REXO1: variants seen among roughly 807,000 people sequenced by gnomAD.
REXO1 encodes the protein RNA exonuclease 1 homolog.
Under a neutral mutation model 102.6 loss-of-function variants are expected in REXO1, and 42 were observed. The ratio of observed to expected loss-of-function variants is 0.41; its 90% CI spans 0.32 to 0.53. The LOEUF (loss-of-function observed/expected upper bound fraction) is 0.53. Among genes scored for constraint, REXO1 ranks in the 20% least tolerant of loss-of-function variants. REXO1 has a pLI of 0.27. For synonymous variants in REXO1, 908 were observed against 779.1 expected (o/e 1.17, Z -2.76); for missense variants, 1,819 against 1,732.5 (o/e 1.05, Z -0.89).
chr19:1,841,654 A>C (rs1237956966), intron 1 of REXO1, among the ~76,000 whole-genome samples: 4 of 152,170 alleles, frequency 2.6e-5, no homozygotes, highest in African/African-American at 9.7e-5. Flanking sequence ...GAGGCCGGCC[A>C]CTGGCACCTG....
In REXO1 at chr19:1,817,212, G is replaced by A. The variant is rs1463974600; in HGVS notation, c.3201+7C>T. 6.2e-7 allele frequency: 1 copy of A among 1,611,810 alleles called. No individual in the cohort carries two copies. ...TGAACCCGACGCTGGGCAGAGAACA[G>A]CCTCACCATCTCGCAGTCCAGGGCG... is the stretch of plus-strand genomic sequence containing the variant. On this transcript the variant is annotated splice_region_variant and intron_variant, in intron 12 of 15. Coordinates refer to ENST00000170168, the MANE Select transcript of REXO1 (RefSeq NM_020695.4).
At position 1,820,253 on chromosome 19, in the gene REXO1, C is replaced by G; in HGVS notation, c.2526+11G>C. On this transcript the variant is annotated intron_variant, in intron 6 of 15. Transcript: ENST00000170168. ...CACCCGACCGGCCAGATAGGAACTC[C>G]AGGACCTCACCTTCTCTATGGCCTC... The G allele has an allele frequency of 6.2e-7, 1 of 1,610,662 alleles. No homozygotes were observed. The highest frequency in any genetic ancestry group is 8.5e-7 in the Non-Finnish European group (1 of 1,178,484).
chr19:1,823,468 G>A (rs1472243584), intron 4 of REXO1, 104 bp downstream of exon 4: 1 of 814,678 alleles, frequency 1.2e-6, no homozygotes, highest in African/African-American at 1.8e-5. Flanking sequence ...CATCCCATGA[G>A]CAAGCACCAT....
intron 10 of REXO1, 132 bp downstream of exon 10, chr19:1,818,350 G>T: frequency 1.5e-6 from 1 of 667,282 alleles, no homozygotes; most frequent in Non-Finnish European, 2.6e-6. Context: ...TGCCAAAGAC[G>T]GTGCAGCCCA....
chr19:1,841,090 G>A (rs996991094), intron 1 of REXO1, among the ~76,000 whole-genome samples: 14 of 152,216 alleles, frequency 9.2e-5, no homozygotes, highest in Admixed American at 1.3e-4. Context: ...GTGCACATGC[G>A]GCTCCTCCAA....
rs78977406 is a variant in REXO1 at position 1,827,198 on chromosome 19, C to G, written c.1591G>C (p.Ala531Pro). The change falls in exon 2 of 16, where the codon GCA (alanine) becomes CCA (proline). Residue 531 changes from alanine (A) to proline (P), a missense_variant. Coordinates refer to ENST00000170168, the MANE Select transcript of REXO1 (RefSeq NM_020695.4). ...CACACGCTCGGCACCCCTGGCCCTG[C>G]GGCCTCGTCCTCACTCTCGTCCCCA... ...LFGDESEDEA[A>P]GPGVPSVWPS... 6.5e-7 allele frequency: 1 copy of G among 1,540,082 alleles called. No homozygotes were observed. The highest frequency in any genetic ancestry group is 8.7e-7 in the Non-Finnish European group (1 of 1,146,628).
chr19:1,818,746 G>A lies in REXO1; in HGVS notation c.2862C>T (p.Gly954=), dbSNP rs1357949691. 6.8e-6 allele frequency: 11 copies of A among 1,610,792 alleles called. No individual in the cohort carries two copies. Among genetic ancestry groups the A allele is most frequent in the East Asian group, 2.2e-5 (1 of 44,878 alleles). Reference sequence around the variant, plus strand: ...TCTCCTCAGCTGTGAAGATGATTGCGCCCCCGGGCCGCTCTGGGTGCGGGA... The same window carrying A: ...TCTCCTCAGCTGTGAAGATGATTGCACCCCCGGGCCGCTCTGGGTGCGGGA... The part of the protein sequence containing the change: ...YPFPHPERPG[G]AIIFTAEEKR... Residue 954 remains glycine, a synonymous_variant, in exon 9 of 16, where the codon GGC becomes GGT. Coordinates refer to ENST00000170168, the MANE Select transcript of REXO1 (RefSeq NM_020695.4).
Position 1,834,715 on chromosome 19 carries a change from C to G in REXO1, c.158-6084G>C, listed in dbSNP as rs185172900. On this transcript the variant is annotated intron_variant, in intron 1 of 15. Coordinates refer to ENST00000170168, the MANE Select transcript of REXO1 (RefSeq NM_020695.4). ...GTCTTTTAAGGGCTGTGAAACCTGC[C>G]CCAGCCTTTAGCCAACAGATGGGAA... 6.3e-3 allele frequency among the ~76,000 whole-genome samples: 956 copies of G among 152,332 alleles called. 6 individuals are homozygous for G. Among genetic ancestry groups the G allele is most frequent in the Non-Finnish European group, 0.011 (722 of 68,020 alleles).
chr19:1,816,279 G>A lies in REXO1; in HGVS notation c.3523C>T (p.Arg1175Trp), dbSNP rs1460615443. ...TCGGCCATGAGGTTCCGCAGGGACC[G>A]CTTGTAGGGGAGGCCCAGGCGGTGG... is the stretch of plus-strand genomic sequence containing the variant. The part of the protein sequence containing the change: ...FPHRLGLPYK[R>W]SLRNLMADYL... Residue 1175 changes from arginine to tryptophan, a missense_variant, in exon 15 of 16, where the codon CGG becomes TGG. Coordinates refer to ENST00000170168, the MANE Select transcript of REXO1 (RefSeq NM_020695.4). 6 of 1,587,908 alleles carry A rather than the reference G, an allele frequency of 3.8e-6. No homozygotes were observed. The highest frequency in any genetic ancestry group is 2.3e-5 in the South Asian group (2 of 87,734).
At chr19:1,842,990 C>T (rs760964476) in intron 1 of REXO1, among the ~76,000 whole-genome samples, 2 of 152,198 alleles carry the variant, frequency 1.3e-5, no homozygotes, top group African/African-American at 2.4e-5. Context: ...TGCAAGAAGG[C>T]GGCTGCTCTG....
intron 12 of REXO1, 67 bp from the exon 13 acceptor site, chr19:1,816,880 C>T (rs1025762832): frequency 4.7e-5 from 58 of 1,222,598 alleles, no homozygotes; most frequent in Non-Finnish European, 6.7e-5. Context: ...CTTCCCTGCC[C>T]CTTTGAGTCT....
At chr19:1,821,338 C>T (rs1158448728) in intron 5 of REXO1, among the ~76,000 whole-genome samples, 181 bp downstream of exon 5, 1 of 148,754 alleles carries the variant, frequency 6.7e-6, no homozygotes, top group Non-Finnish European at 1.5e-5. Flanking sequence ...GAGCGAGACT[C>T]CATCTCAAAA....
rs2069355129 is a variant in REXO1 at position 1,816,163 on chromosome 19, C to A, written c.3578-9G>T. On this transcript the variant is annotated splice_polypyrimidine_tract_variant and intron_variant, in intron 15 of 15. Transcript: ENST00000170168. Reference sequence around the variant, plus strand: ...GGAGCTGTGCCCATCCACTGCGGGGCAGATGCGGTGAGCACCCGGCCCCTG... The same window carrying A: ...GGAGCTGTGCCCATCCACTGCGGGGAAGATGCGGTGAGCACCCGGCCCCTG... The A allele has an allele frequency of 6.4e-7, 1 of 1,553,182 alleles. No individual in the cohort carries two copies. Among genetic ancestry groups the A allele is most frequent in the African/African-American group, 1.4e-5 (1 of 73,486 alleles).
At chr19:1,816,950 C>T (rs2069384476) in intron 12 of REXO1, 137 bp from the exon 13 acceptor site, 2 of 747,882 alleles carry the variant, frequency 2.7e-6, no homozygotes, top group Admixed American at 2.4e-5. Flanking sequence ...TAGGAGAGGC[C>T]GAGTGGGGTG....
rs773542246 is a variant in REXO1, at chr19:1,816,662, G to C, written c.3317+36C>G. The C allele has an allele frequency of 3.1e-6, 5 of 1,606,928 alleles. No homozygotes were observed. The African/African-American group carries it at 5.4e-5, about 17-fold the overall frequency. On this transcript the variant is annotated intron_variant, in intron 13 of 15. Transcript: ENST00000170168. ...GTGGGTCCCTGGGGAGAGGCGGCTGGGAGGGCTCCCAGCTCGTGGAGGGCA... is the reference window on the plus strand; with the variant it reads ...GTGGGTCCCTGGGGAGAGGCGGCTGCGAGGGCTCCCAGCTCGTGGAGGGCA...
At chr19:1,817,658 C>A in intron 11 of REXO1, 49 bp downstream of exon 11, 1 of 1,571,942 alleles carries the variant, frequency 6.4e-7, no homozygotes, top group Non-Finnish European at 8.7e-7. Context: ...GATGGGGAGG[C>A]AGAAGTCTGT....
intron 13 of REXO1, 51 bp from the exon 14 acceptor site, chr19:1,816,620 TGGTGGGGCGGGGGAG>T: frequency 7.5e-6 from 2 of 267,130 alleles, no homozygotes; most frequent in Non-Finnish European, 1.5e-5. Flanking sequence ...AAGCACTGGC[TGGTGGGGCGGGGGAG>T]GGTGGGTCCC....
At position 1,821,537 on chromosome 19, in the gene REXO1, G is replaced by A. The variant is rs769951845; in HGVS notation, c.2376C>T (p.Ala792=). 6.2e-7 allele frequency: 1 copy of A among 1,613,850 alleles called. No homozygotes were observed. The highest frequency in any genetic ancestry group is 1.7e-5 in the Admixed American group (1 of 60,006). Residue 792 remains alanine (A), a synonymous_variant, in exon 5 of 16, where the codon GCC becomes GCT. Transcript: ENST00000170168. ...TTTTIIPKRI[A]HSPSLQSLKK... is the part of the protein sequence containing the mutation. ...GGGCTACCTGTAAGGATGGACTGTGGGCGATTCGCTTAGGGATGATGGTGG... is the reference window on the plus strand; with the variant it reads ...GGGCTACCTGTAAGGATGGACTGTGAGCGATTCGCTTAGGGATGATGGTGG...
At chr19:1,816,872 T>C (rs564941068) in intron 12 of REXO1, 59 bp from the exon 13 acceptor site, 4 of 1,298,602 alleles carry the variant, frequency 3.1e-6, no homozygotes, top group Non-Finnish European at 3.3e-6. Context: ...TCCCTCCCCT[T>C]CCCTGCCCCT....
Sources: allele counts gnomAD v4.1 joint callset (sites outside exome capture counted in the v4.1 genomes callset), GRCh38; gene constraint gnomAD v4.1.1; transcripts MANE v1.5; gene names NCBI Gene and HGNC (gene_info 2026-07-23, HGNC 2026-07-21).